Variants in SUSD4 observed in about 807,000 individuals in gnomAD.
The protein encoded by SUSD4 is sushi domain-containing protein 4.
A neutral mutation model predicts 50.5 loss-of-function variants in SUSD4; 41 were observed. That is an observed-to-expected ratio of 0.81 (90% CI 0.63 to 1.05). The LOEUF is 1.05. Among genes scored for constraint, SUSD4 ranks in the 50% least tolerant of loss-of-function variants. The pLI, the probability that SUSD4 is intolerant of heterozygous loss-of-function variation, is 0.00. For missense variants in SUSD4, 580 were observed against 634.7 expected, an observed-to-expected ratio of 0.91 and a Z score of 0.93; for synonymous variants, 257 against 257.3, an observed-to-expected ratio of 1.00 and a Z score of 0.01.
intron 2 of SUSD4, among the ~76,000 whole-genome samples, chr1:223,302,261 C>T (rs1198025100): frequency 1.3e-5 from 2 of 152,138 alleles, no homozygotes; most frequent in Non-Finnish European, 1.5e-5. Flanking sequence ...ACAATTAAAC[C>T]TCTTTTCTTT....
intron 1 of SUSD4, 67 bp from the exon 2 acceptor site, chr1:223,363,527 C>T: frequency 7.3e-7 from 1 of 1,364,902 alleles, no homozygotes; most frequent in Non-Finnish European, 9.6e-7. Context: ...GCTCCCCCTC[C>T]TCCGCTCTGG....
chr1:223,275,588 G>A (rs1255618069), intron 3 of SUSD4, among the ~76,000 whole-genome samples: 1 of 152,180 alleles, frequency 6.6e-6, no homozygotes, highest in Non-Finnish European at 1.5e-5. Flanking sequence ...AGCATCTCAA[G>A]GAATCCTCTG....
In SUSD4 at chr1:223,227,599, G is replaced by A. The variant is rs190228736; in HGVS notation, c.1056C>T (p.Pro352=). The change falls in exon 7 of 9, where the codon CCC becomes CCT. Residue 352 remains proline, a synonymous_variant. Coordinates refer to ENST00000366878, the MANE Select transcript of SUSD4 (RefSeq NM_017982.4). This position sits in a 1 kb window ranked among gnomAD's most constrained non-coding sequence, Gnocchi z 4.5. The part of the protein sequence containing the change: ...MFQTKFKAHF[P]PRGPPRSSSS... ...TGCCAAGACATGACACTGACCTGGGGGGAAAGTGGGCCTTGAACTTGGTCT... is the reference window on the plus strand; with the variant it reads ...TGCCAAGACATGACACTGACCTGGGAGGAAAGTGGGCCTTGAACTTGGTCT... The A allele has an allele frequency of 1.7e-5, 27 of 1,613,772 alleles. No homozygotes were observed. The Admixed American group carries it at 4.0e-4, about 24-fold the overall frequency.
intron 2 of SUSD4, among the ~76,000 whole-genome samples, chr1:223,322,454 C>T (rs2103249382): frequency 6.6e-6 from 1 of 152,284 alleles, no homozygotes; most frequent in South Asian, 2.1e-4. Context: ...CCTAACACAT[C>T]GATTTTTCAA....
chr1:223,329,646 A>G (rs376322264), intron 2 of SUSD4, among the ~76,000 whole-genome samples: 1 of 152,224 alleles, frequency 6.6e-6, no homozygotes, highest in East Asian at 1.9e-4. Flanking sequence ...AGCTCAGTGA[A>G]AGATAACTTA....
chr1:223,254,976 C>A (rs1346546759), intron 5 of SUSD4, among the ~76,000 whole-genome samples: 1 of 152,190 alleles, frequency 6.6e-6, no homozygotes, highest in African/African-American at 2.4e-5. Context: ...TGCTATTTTG[C>A]ATTTCCCTCT....
intron 5 of SUSD4, among the ~76,000 whole-genome samples, chr1:223,252,234 A>ATATATATATAT (rs1553285698): frequency 8.1e-5 from 6 of 74,372 alleles, no homozygotes; most frequent in African/African-American, 1.3e-4. Context: ...AAAAAAAAAA[A>ATATATATATAT]AAATATATAT....
intron 2 of SUSD4, among the ~76,000 whole-genome samples, chr1:223,311,752 C>T (rs1665888651): frequency 6.6e-6 from 1 of 152,196 alleles, no homozygotes; most frequent in South Asian, 2.1e-4. Flanking sequence ...AATAAGTCTT[C>T]CTTTCTCTAG....
intron 5 of SUSD4, among the ~76,000 whole-genome samples, chr1:223,243,550 C>T (rs1490536036): frequency 6.6e-6 from 1 of 152,248 alleles, no homozygotes; most frequent in Non-Finnish European, 1.5e-5. Context: ...GCAGCAAAGG[C>T]CACCTTGTGA....
intron 2 of SUSD4, among the ~76,000 whole-genome samples, chr1:223,314,924 C>T (rs547470125): frequency 6.6e-6 from 1 of 152,286 alleles, no homozygotes; most frequent in South Asian, 2.1e-4. Flanking sequence ...CTCTATCTGC[C>T]GAGAATTTTC....
At chr1:223,362,106 T>A (rs1476028166) in intron 2 of SUSD4, among the ~76,000 whole-genome samples, 2 of 152,256 alleles carry the variant, frequency 1.3e-5, no homozygotes, top group African/African-American at 4.8e-5. Flanking sequence ...TTCTCACTAA[T>A]TTTGATAGAT....
chr1:223,341,491 G>A (rs1208197663), intron 2 of SUSD4, among the ~76,000 whole-genome samples: 1 of 130,456 alleles, frequency 7.7e-6, no homozygotes, highest in Non-Finnish European at 1.6e-5. Flanking sequence ...CCACCTTCCA[G>A]CTGTGAAGGC....
chr1:223,262,449 T>G (rs559280611), intron 5 of SUSD4, among the ~76,000 whole-genome samples: 4 of 152,346 alleles, frequency 2.6e-5, no homozygotes, highest in African/African-American at 9.6e-5. Flanking sequence ...GATTCCTTTG[T>G]GACAGTTCGT....
intron 2 of SUSD4, among the ~76,000 whole-genome samples, chr1:223,297,317 C>A (rs188258572): frequency 9.2e-5 from 14 of 152,234 alleles, no homozygotes; most frequent in African/African-American, 3.4e-4. Context: ...ATGGACTAGG[C>A]CCAAGGGATG....
rs980913865 is a variant in SUSD4 at position 223,220,917 on chromosome 1, A to C, written c.*1275T>G. 1.8e-5 allele frequency: 7 copies of C among 399,548 alleles called. No individual in the cohort carries two copies. Among genetic ancestry groups the C allele is most frequent in the Non-Finnish European group, 2.2e-5 (5 of 225,906 alleles). 24.8% of individuals were successfully genotyped at this position (399,548 alleles called of 1,614,324 possible). ...CCCTCACCACTCTATCAGCATAGCA[A>C]TTTTAAGGATCAGAGCTTTGTTTAC... is the stretch of plus-strand genomic sequence containing the variant. On this transcript the variant is annotated 3_prime_UTR_variant, in exon 9 of 9. Transcript: ENST00000366878.
chr1:223,298,306 A>G (rs1178877908), intron 2 of SUSD4, among the ~76,000 whole-genome samples: 1 of 152,176 alleles, frequency 6.6e-6, no homozygotes, highest in Non-Finnish European at 1.5e-5. Context: ...TGAATTCCAC[A>G]GACAAGGGAG....
At chr1:223,268,833 G>A (rs988709414) in intron 3 of SUSD4, among the ~76,000 whole-genome samples, 158 bp from the exon 4 acceptor site, 7 of 152,156 alleles carry the variant, frequency 4.6e-5, no homozygotes, top group South Asian at 2.1e-4. Context: ...TGCCAATGAC[G>A]AGCAGAAGAG....
upstream of SUSD4, among the ~76,000 whole-genome samples, chr1:223,364,617 G>C (rs1669212080): frequency 6.6e-6 from 1 of 150,958 alleles, no homozygotes; most frequent in South Asian, 2.1e-4. This position sits in a 1 kb window ranked among gnomAD's most constrained non-coding sequence, Gnocchi z 4.5. Context: ...TGCCCCGGCT[G>C]CGCGCCAGCT....
Position 223,229,073 on chromosome 1 carries a change from G to C in SUSD4, c.916+124C>G. 4.0e-6 allele frequency: 4 copies of C among 1,010,418 alleles called. No individual in the cohort carries two copies. The highest frequency in any genetic ancestry group is 2.4e-5 in the East Asian group (1 of 41,194). 62.6% of individuals were successfully genotyped at this position (1,010,418 alleles called of 1,614,324 possible). On this transcript the variant is annotated intron_variant, in intron 6 of 8. Coordinates refer to ENST00000366878, the MANE Select transcript of SUSD4 (RefSeq NM_017982.4). This position sits in a 1 kb window ranked among gnomAD's most constrained non-coding sequence, Gnocchi z 4.7. The stretch of plus-strand genomic sequence containing the variant: ...CCATCGACCCGCAATGATATGTTTC[G>C]ATATCCTGTTCCTGACACTGGGTGG...
Sources: allele counts gnomAD v4.1 joint callset (sites outside exome capture counted in the v4.1 genomes callset), GRCh38; gene constraint gnomAD v4.1.1; non-coding constraint Gnocchi (gnomAD v3.1); transcripts MANE v1.5; gene names NCBI Gene and HGNC (gene_info 2026-07-23, HGNC 2026-07-21).